TSG101: variants seen among roughly 807,000 people sequenced by gnomAD.
TSG101 encodes the protein tumor susceptibility gene 101 protein.
TSG101 carries 19 observed loss-of-function variants against 48.5 expected under a neutral mutation model. The observed-to-expected ratio is 0.39, with a 90% CI of 0.27 to 0.58. The LOEUF (loss-of-function observed/expected upper bound fraction) is 0.58, where lower values mean the gene tolerates loss of function less well. Ranked by LOEUF, TSG101 falls within the 20% of genes least tolerant of loss-of-function variation. TSG101 has a pLI of 0.55. For missense variants in TSG101, 365 were observed against 484.4 expected (o/e 0.75, Z 2.31); for synonymous variants, 174 against 169.4 (o/e 1.03, Z -0.21).
In TSG101 at chr11:18,498,533, G is replaced by A. The variant is rs111714699; in HGVS notation, c.640+3953C>T. Among the ~76,000 whole-genome samples, 225 of 152,310 alleles carry A rather than the reference G, an allele frequency of 1.5e-3. 1 individual carries two copies. The highest frequency in any genetic ancestry group is 2.7e-3 in the Non-Finnish European group (186 of 68,030). ...ATGAGGAGTCAAGGATGACTCCAAA[G>A]AGTATAGAGTAGGTAACAATGGAGA... On this transcript the variant is annotated intron_variant, in intron 7 of 9. Transcript: ENST00000251968.
chr11:18,518,462 C>T (rs1373207972), intron 2 of TSG101, among the ~76,000 whole-genome samples: 2 of 152,130 alleles, frequency 1.3e-5, no homozygotes, highest in Non-Finnish European at 2.9e-5. Context: ...TTCAAGGAGA[C>T]AGGGTTGAAG....
intron 1 of TSG101, among the ~76,000 whole-genome samples, chr11:18,521,032 GAAA>G (rs148238384): frequency 7.2e-6 from 1 of 137,940 alleles, no homozygotes; most frequent in Non-Finnish European, 1.6e-5. Flanking sequence ...CTCCGTCTTG[GAAA>G]AAAAAAAAAA....
At chr11:18,489,427 C>A (rs139311488) in intron 7 of TSG101, among the ~76,000 whole-genome samples, 2,529 of 152,192 alleles carry the variant, frequency 0.017, 57 homozygotes, top group African/African-American at 0.057. Context: ...AGGTATTATC[C>A]AGGAAACAGA....
Position 18,509,684 on chromosome 11 carries a change from T to C in TSG101, c.358-19A>G. The C allele has an allele frequency of 6.4e-7, 1 of 1,573,970 alleles. No homozygotes were observed. On this transcript the variant is annotated intron_variant, in intron 4 of 9. Transcript: ENST00000251968. ...ACTGTGGCTACAAAATGAAAAAAAA[T>C]TCAAGTCAGCTACAGAGTTGCTTTT...
intron 5 of TSG101, among the ~76,000 whole-genome samples, chr11:18,507,451 C>A (rs1849993837): frequency 1.3e-5 from 2 of 152,038 alleles, no homozygotes; most frequent in Admixed American, 6.6e-5. Flanking sequence ...CAGAGTGAGA[C>A]CCTATCTCAA....
chr11:18,525,671 A>G (rs1850360435), intron 1 of TSG101: 1 of 985,128 alleles, frequency 1.0e-6, no homozygotes, highest in African/African-American at 1.7e-5. Context: ...CTGGGTCACA[A>G]TCTTCTATGG....
chr11:18,489,418 G>A (rs1408916207), intron 7 of TSG101, among the ~76,000 whole-genome samples: 2 of 152,046 alleles, frequency 1.3e-5, no homozygotes, highest in African/African-American at 4.8e-5. Context: ...TATTCTTAAA[G>A]GTATTATCCA....
intron 1 of TSG101, among the ~76,000 whole-genome samples, chr11:18,524,880 T>C (rs1850340565): frequency 6.6e-6 from 1 of 152,154 alleles, no homozygotes; most frequent in Admixed American, 6.5e-5. Context: ...TCTTGCTCTT[T>C]ATATGAATAT....
chr11:18,519,571 A>G lies in TSG101; in HGVS notation c.75T>C (p.Thr25=). The G allele has an allele frequency of 6.2e-7, 1 of 1,613,150 alleles. No homozygotes were observed. Among genetic ancestry groups the G allele is most frequent in the Non-Finnish European group, 8.5e-7 (1 of 1,179,708 alleles). The change falls in exon 2 of 10, where the codon ACT becomes ACC. Residue 25 remains threonine (T), a synonymous_variant. Coordinates refer to ENST00000251968, the MANE Select transcript of TSG101 (RefSeq NM_006292.4). ...YKYRDLTVRE[T]VNVITLYKDL... ...CTTTGTATAGAGTAATAACATTGAC[A>G]GTTTCACGTACAGTTAGGTCTCTGT...
At chr11:18,485,559 CCTTCT>C (rs956543694) in intron 7 of TSG101, among the ~76,000 whole-genome samples, 6 of 152,146 alleles carry the variant, frequency 3.9e-5, no homozygotes, top group African/African-American at 1.2e-4. Flanking sequence ...TGGAAACTTC[CCTTCT>C]CTTGTCTTCT....
intron 2 of TSG101, among the ~76,000 whole-genome samples, chr11:18,517,750 A>G (rs1850203947): frequency 6.6e-6 from 1 of 152,220 alleles, no homozygotes; most frequent in Non-Finnish European, 1.5e-5. Flanking sequence ...AGTACACTCA[A>G]TGATGAAATT....
Position 18,514,813 on chromosome 11 carries a change from T to C in TSG101, c.222A>G (p.Leu74=), listed in dbSNP as rs1056135119. The C allele has an allele frequency of 3.8e-6, 6 of 1,571,976 alleles. No homozygotes were observed. Among genetic ancestry groups the C allele is most frequent in the Middle Eastern group, 1.7e-4 (1 of 5,962 alleles). Residue 74 remains leucine (L), a synonymous_variant, in exon 4 of 10, where the codon CTA becomes CTG. Coordinates refer to ENST00000251968, the MANE Select transcript of TSG101 (RefSeq NM_006292.4). ...RGNTYNIPIC[L]WLLDTYPYNP... is the part of the protein sequence containing the mutation. ...TATATGGGTATGTGTCCAGTAGCCA[T>C]AGGCATATTGGAATATTGTATGTAT...
intron 6 of TSG101, among the ~76,000 whole-genome samples, chr11:18,506,508 T>C (rs1046846756): frequency 2.0e-5 from 3 of 151,744 alleles, no homozygotes; most frequent in Non-Finnish European, 4.4e-5. Flanking sequence ...CTGGCCAACA[T>C]GGTGAAATCC....
In TSG101 at chr11:18,521,030, T is replaced by C. The variant is rs142440412; in HGVS notation, c.43-1427A>G. Among the ~76,000 whole-genome samples, 212 of 149,868 alleles carry C rather than the reference T, an allele frequency of 1.4e-3. 1 individual carries two copies. Among genetic ancestry groups the C allele is most frequent in the African/African-American group, 4.8e-3 (193 of 40,326 alleles). On this transcript the variant is annotated intron_variant, in intron 1 of 9. Transcript: ENST00000251968. ...TGGGTGACAGAGCTAGACTCCGTCT[T>C]GGAAAAAAAAAAAAAAAATTTGCTT...
chr11:18,480,839 C>A (rs1325482274), intron 9 of TSG101, among the ~76,000 whole-genome samples: 2 of 152,166 alleles, frequency 1.3e-5, no homozygotes, highest in Non-Finnish European at 2.9e-5. Context: ...ATTGCAGGAT[C>A]TGGCTCAGGA....
At chr11:18,483,493 A>ATCTC in intron 8 of TSG101, among the ~76,000 whole-genome samples, 1 of 19,126 alleles carries the variant, frequency 5.2e-5, no homozygotes, top group African/African-American at 1.3e-4. Context: ...GAAACTCTCA[A>ATCTC]AAAAAAAAAA....
At chr11:18,506,262 T>C (rs537193710) in intron 6 of TSG101, among the ~76,000 whole-genome samples, 127 of 152,126 alleles carry the variant, frequency 8.3e-4, no homozygotes, top group African/African-American at 2.9e-3. Flanking sequence ...GTGATCTCAA[T>C]TGGTTTTTGA....
intron 7 of TSG101, among the ~76,000 whole-genome samples, chr11:18,500,037 A>G (rs529496181): frequency 1.3e-5 from 2 of 152,304 alleles, no homozygotes; most frequent in South Asian, 4.1e-4. Flanking sequence ...TCTGGTGTCT[A>G]TCATTCTACT....
intron 3 of TSG101, among the ~76,000 whole-genome samples, chr11:18,515,375 C>T (rs1029203272): frequency 6.6e-6 from 1 of 152,162 alleles, no homozygotes; most frequent in East Asian, 1.9e-4. Flanking sequence ...GGGTAAAGGA[C>T]ATAGGTCTTA....
Sources: gnomAD v4.1 joint callset for allele counts (sites outside exome capture counted in the v4.1 genomes callset) on GRCh38, gnomAD v4.1.1 for gene constraint, MANE v1.5 for transcripts, NCBI Gene and HGNC (gene_info 2026-07-23, HGNC 2026-07-21) for gene names.